The following FOCAD variants were observed in gnomAD, a reference collection of about 807,000 sequenced individuals.
The protein encoded by FOCAD is focadhesin, also known as KIAA1797.
FOCAD carries 198 observed loss-of-function variants against 225.6 expected under a neutral mutation model. The ratio of observed to expected loss-of-function variants is 0.88; its 90% CI spans 0.78 to 0.99. The LOEUF (loss-of-function observed/expected upper bound fraction) is 0.99. Among genes scored for constraint, FOCAD ranks in the 50% least tolerant of loss-of-function variants. The probability of loss-of-function intolerance (pLI) is 0.00; values close to 1 mark genes in which losing one functional copy is unlikely to be tolerated. For missense variants in FOCAD, 2,713 were observed against 2,123.6 expected (o/e 1.28, Z -5.46); for synonymous variants, 897 against 755.0 (o/e 1.19, Z -3.08).
chr9:20,671,980 AG>A (rs1367427033), intron 2 of FOCAD, among the ~76,000 whole-genome samples: 1 of 150,972 alleles, frequency 6.6e-6, no homozygotes, highest in East Asian at 1.9e-4. Context: ...CAACCGTTGT[AG>A]TTTTTTTTTT....
intron 19 of FOCAD, among the ~76,000 whole-genome samples, chr9:20,879,030 C>G (rs1478649216): frequency 1.3e-5 from 2 of 152,116 alleles, no homozygotes; most frequent in Non-Finnish European, 2.9e-5. Flanking sequence ...GAGGGCAGAT[C>G]TCCCCTGTAC....
chr9:20,703,782 A>G (rs959527100), intron 1 of FOCAD, among the ~76,000 whole-genome samples: 6 of 152,168 alleles, frequency 3.9e-5, no homozygotes, highest in African/African-American at 9.7e-5. Context: ...ACACATTTCT[A>G]CAGTGCCTGC....
At chr9:20,953,211 A>G in intron 35 of FOCAD, 146 bp downstream of exon 35, 1 of 623,636 alleles carries the variant, frequency 1.6e-6, no homozygotes, top group Non-Finnish European at 2.8e-6. Context: ...TCTTTGCAAT[A>G]GAGATGACCA....
At chr9:20,872,915 G>A (rs1369156955) in intron 18 of FOCAD, 1 of 152,048 alleles carries the variant, frequency 6.6e-6, no homozygotes, top group African/African-American at 2.4e-5. Flanking sequence ...AAGCATACAG[G>A]ATGTGGTCTT....
intron 42 of FOCAD, among the ~76,000 whole-genome samples, 162 bp downstream of exon 42, chr9:20,990,536 G>C (rs944503441): frequency 6.6e-6 from 1 of 152,222 alleles, no homozygotes; most frequent in Non-Finnish European, 1.5e-5. Context: ...AGAGATTGAG[G>C]CTAGCCCAGG....
intron 7 of FOCAD, among the ~76,000 whole-genome samples, chr9:20,769,230 A>T (rs1334918179): frequency 6.6e-6 from 1 of 152,136 alleles, no homozygotes; most frequent in African/African-American, 2.4e-5. Context: ...TCTGTGTATA[A>T]CTAATAGTCA....
chr9:20,954,050 G>T (rs1305478399), intron 35 of FOCAD, among the ~76,000 whole-genome samples: 2 of 152,098 alleles, frequency 1.3e-5, no homozygotes, highest in African/African-American at 2.4e-5. Flanking sequence ...TATTTTCATA[G>T]CCTGGAGACA....
At chr9:20,768,457 G>A (rs1395463511) in intron 7 of FOCAD, among the ~76,000 whole-genome samples, 2 of 151,856 alleles carry the variant, frequency 1.3e-5, no homozygotes, top group Non-Finnish European at 2.9e-5. Flanking sequence ...TCCTACCCAT[G>A]AGCATGGAAT....
chr9:20,976,609 A>G, intron 36 of FOCAD, 61 bp downstream of exon 36: 2 of 1,541,650 alleles, frequency 1.3e-6, no homozygotes, highest in Non-Finnish European at 1.8e-6. Flanking sequence ...CTGAATGGAA[A>G]AACAGATTCT....
intron 15 of FOCAD, among the ~76,000 whole-genome samples, chr9:20,831,970 G>A (rs1825537863): frequency 6.6e-6 from 1 of 151,920 alleles, no homozygotes; most frequent in African/African-American, 2.4e-5. Flanking sequence ...TTTGTGTTTG[G>A]TTTTTCAATT....
chr9:20,934,549 G>T (rs1018471750), intron 28 of FOCAD, among the ~76,000 whole-genome samples: 4 of 151,738 alleles, frequency 2.6e-5, no homozygotes, highest in African/African-American at 7.3e-5. Context: ...AGATCCGTTG[G>T]CTGTATTTGG....
At chr9:20,931,936 A>C (rs1376338848) in intron 27 of FOCAD, among the ~76,000 whole-genome samples, 1 of 151,836 alleles carries the variant, frequency 6.6e-6, no homozygotes, top group Non-Finnish European at 1.5e-5. Context: ...GAGAATTATG[A>C]AAATCATTTC....
intron 11 of FOCAD, among the ~76,000 whole-genome samples, chr9:20,791,957 C>G (rs575379325): frequency 6.6e-6 from 1 of 152,194 alleles, no homozygotes; most frequent in Admixed American, 6.5e-5. Flanking sequence ...GTAGGTGTGC[C>G]GAGATATTAT....
At chr9:20,800,858 A>C (rs932971769) in intron 11 of FOCAD, among the ~76,000 whole-genome samples, 1 of 152,174 alleles carries the variant, frequency 6.6e-6, no homozygotes, top group Non-Finnish European at 1.5e-5. Context: ...TGTCAAAGTC[A>C]TTCTCCATCC....
At chr9:20,958,150 T>A (rs766831456) in intron 35 of FOCAD, among the ~76,000 whole-genome samples, 1 of 152,150 alleles carries the variant, frequency 6.6e-6, no homozygotes, top group Non-Finnish European at 1.5e-5. Context: ...TTTTATAGAG[T>A]TTTGTAAGAA....
chr9:20,881,420 T>C (rs1830656728), intron 19 of FOCAD, among the ~76,000 whole-genome samples: 1 of 152,132 alleles, frequency 6.6e-6, no homozygotes. Flanking sequence ...GAAAAGCAAC[T>C]GGAAGGTGTT....
At chr9:20,743,408 A>T (rs932210984) in intron 5 of FOCAD, among the ~76,000 whole-genome samples, 3 of 152,190 alleles carry the variant, frequency 2.0e-5, no homozygotes, top group Non-Finnish European at 4.4e-5. Context: ...CTAATAGCTG[A>T]TTAATTTGAA....
intron 16 of FOCAD, among the ~76,000 whole-genome samples, chr9:20,864,125 G>A (rs570874263): frequency 5.9e-5 from 9 of 152,154 alleles, no homozygotes; most frequent in African/African-American, 2.2e-4. Context: ...AGAAGGGAGA[G>A]ACCCTCCTTC....
chr9:20,962,417 C>CACATACATACATACATACAT lies in FOCAD; in HGVS notation c.4132+9372_4132+9391dup, dbSNP rs60723308. Among the ~76,000 whole-genome samples, 289 of 149,192 alleles carry CACATACATACATACATACAT rather than the reference C, an allele frequency of 1.9e-3. 1 individual carries two copies. The highest frequency in any genetic ancestry group is 2.6e-3 in the Non-Finnish European group (175 of 67,450). ...CATATATAATATATATATACACACA[C>CACATACATACATACATACAT]ACATACATACATACATACATACATA... On this transcript the variant is annotated intron_variant, in intron 35 of 43. Transcript: ENST00000338382.
Sources: allele counts gnomAD v4.1 joint callset (sites outside exome capture counted in the v4.1 genomes callset), GRCh38; gene constraint gnomAD v4.1.1; transcripts MANE v1.5; gene names NCBI Gene and HGNC (gene_info 2026-07-23, HGNC 2026-07-21).